Variants in WHAMM observed in about 807,000 individuals in gnomAD.
WHAMM encodes WASP homolog associated with actin, golgi membranes and microtubules.
Under a neutral mutation model 76.5 loss-of-function variants are expected in WHAMM, and 67 were observed. That is an observed-to-expected ratio of 0.88 (90% CI 0.72 to 1.07). The LOEUF (loss-of-function observed/expected upper bound fraction) is 1.07, where lower values mean the gene tolerates loss of function less well. WHAMM is among the 50% of genes least tolerant of loss of function. WHAMM has a pLI of 0.00. For synonymous variants in WHAMM, 419 were observed against 422.1 expected, an observed-to-expected ratio of 0.99 and a Z score of 0.09; for missense variants, 1,021 against 1,051.1, an observed-to-expected ratio of 0.97 and a Z score of 0.40.
intron 8 of WHAMM, among the ~76,000 whole-genome samples, chr15:82,827,970 CTTAT>C (rs1566997790): frequency 6.6e-6 from 1 of 151,982 alleles, no homozygotes; most frequent in African/African-American, 2.4e-5. Flanking sequence ...TAAATAGGGG[CTTAT>C]TTAAGAATAT....
chr15:82,822,729 C>T (rs1225346290), intron 5 of WHAMM, among the ~76,000 whole-genome samples: 4 of 152,106 alleles, frequency 2.6e-5, no homozygotes, highest in African/African-American at 4.8e-5. Context: ...TGAGCCCCTG[C>T]GCCTGGCCTA....
At chr15:82,826,278 G>C in intron 6 of WHAMM, 132 bp from the exon 7 acceptor site, 2 of 857,294 alleles carry the variant, frequency 2.3e-6, no homozygotes, top group Non-Finnish European at 3.7e-6. Flanking sequence ...CAGTACCATT[G>C]GGCCGCTCCA....
chr15:82,830,842 C>T lies in WHAMM; in HGVS notation c.1885C>T (p.His629Tyr), dbSNP rs2051015877. Residue 629 changes from histidine to tyrosine, a missense_variant, in exon 9 of 10, where the codon CAT becomes TAT. By Grantham distance (83) the His-to-Tyr change is moderately conservative. Transcript: ENST00000286760. ...QVFVPVGDQT[H>Y]SKSSEELSLP... ...TTTTGTTCCAGTTGGTGATCAAACACATTCCAAATCCAGTGAGGAATTGTC... is the reference window on the plus strand; with the variant it reads ...TTTTGTTCCAGTTGGTGATCAAACATATTCCAAATCCAGTGAGGAATTGTC... The T allele has an allele frequency of 5.0e-6, 8 of 1,593,898 alleles. No homozygotes were observed. The highest frequency in any genetic ancestry group is 6.8e-6 in the Non-Finnish European group (8 of 1,169,506).
chr15:82,818,626 T>C (rs2050768859), intron 4 of WHAMM, among the ~76,000 whole-genome samples: 1 of 152,250 alleles, frequency 6.6e-6, no homozygotes, highest in African/African-American at 2.4e-5. Context: ...AAAGAGATAC[T>C]TCACTGCATA....
intron 5 of WHAMM, among the ~76,000 whole-genome samples, chr15:82,822,224 G>T (rs1490693031): frequency 6.6e-6 from 1 of 152,136 alleles, no homozygotes; most frequent in Admixed American, 6.5e-5. Context: ...ATTGCTGGTA[G>T]AATATAAGTT....
Position 82,835,100 on chromosome 15 carries a change from A to G in WHAMM, c.*1564A>G, listed in dbSNP as rs1411603556. The G allele has an allele frequency of 6.6e-6, 1 of 151,164 alleles. No individual in the cohort carries two copies. Among genetic ancestry groups the G allele is most frequent in the Non-Finnish European group, 1.5e-5 (1 of 67,972 alleles). 9.4% of individuals were successfully genotyped at this position (151,164 alleles called of 1,614,324 possible). A position where few individuals can be genotyped will look rare whatever the true frequency, so the allele number is the denominator to read the frequency against. ...GTTTACAAAGAAAGTCCTGATTGAT[A>G]TAGAACAGAAATCTTCCTACTTCAG... On this transcript the variant is annotated 3_prime_UTR_variant, in exon 10 of 10. Transcript: ENST00000286760.
rs943441590 is a variant in WHAMM, at chr15:82,835,790, C to G, written c.*2254C>G. ...GGGCATCAGGTCCAGATCCCAGAGA[C>G]AGGTCCAGTGGCTGTGGCCCAGGCC... On this transcript the variant is annotated 3_prime_UTR_variant, in exon 10 of 10. Transcript: ENST00000286760. The G allele has an allele frequency of 1.3e-5, 2 of 152,286 alleles. No homozygotes were observed. Among genetic ancestry groups the G allele is most frequent in the Non-Finnish European group, 2.9e-5 (2 of 68,086 alleles). The allele number at this position is 152,286 out of a possible 1,614,324, so 9.4% of individuals were successfully genotyped here. A position where few individuals can be genotyped will look rare whatever the true frequency, so the allele number is the denominator to read the frequency against.
Position 82,819,428 on chromosome 15 carries a change from T to C in WHAMM, c.1210T>C (p.Leu404=), listed in dbSNP as rs1266377307. 5 of 1,263,688 alleles carry C rather than the reference T, an allele frequency of 4.0e-6. No individual in the cohort carries two copies. The African/African-American group carries it at 7.9e-5, about 20-fold the overall frequency. 78.3% of individuals were successfully genotyped at this position (1,263,688 alleles called of 1,614,324 possible). The change falls in exon 5 of 10, where the codon TTA becomes CTA. Residue 404 remains leucine (L), a synonymous_variant. Coordinates refer to ENST00000286760, the MANE Select transcript of WHAMM (RefSeq NM_001080435.3). ...ACTATATGAAGTTAAATTTGAGATA[T>C]TAAAAAACGAAGAAATACTGCTTAC... is the stretch of plus-strand genomic sequence containing the variant. ...LELYEVKFEI[L]KNEEILLTTQ... is the part of the protein sequence containing the mutation.
Position 82,830,981 on chromosome 15 carries a change from G to C in WHAMM, c.2024G>C (p.Gly675Ala), listed in dbSNP as rs551108747. 3.2e-5 allele frequency: 52 copies of C among 1,609,212 alleles called. No individual in the cohort carries two copies. In the South Asian group the frequency reaches 5.6e-4, roughly 17 times the overall value. Residue 675 changes from glycine to alanine, a missense_variant, in exon 9 of 10, where the codon GGC becomes GCC. Physicochemically the swap from Gly to Ala is moderately conservative, Grantham distance 60. Transcript: ENST00000286760. ...SSQAATHQNL[G>A]FRAPVKDDQP... ...CAAGCTGCAACTCATCAGAACTTAG[G>C]CTTCCGGGCTCCAGTGAAAGATGAC... is the stretch of plus-strand genomic sequence containing the variant.
Position 82,834,119 on chromosome 15 carries a change from C to T in WHAMM, c.*583C>T, listed in dbSNP as rs918425343. 6.6e-6 allele frequency: 1 copy of T among 152,450 alleles called. No homozygotes were observed. Among genetic ancestry groups the T allele is most frequent in the African/African-American group, 2.4e-5 (1 of 41,290 alleles). 9.4% of individuals were successfully genotyped at this position (152,450 alleles called of 1,614,324 possible). The stretch of plus-strand genomic sequence containing the variant: ...GTGGCACGATCTTGGCTTACTGCAA[C>T]CTCCACCTCCCAGGTTCAAGCAATT... On this transcript the variant is annotated 3_prime_UTR_variant, in exon 10 of 10. Transcript: ENST00000286760.
chr15:82,809,872 C>A lies in WHAMM; in HGVS notation c.146C>A (p.Thr49Asn). The part of the protein sequence containing the change: ...GKFAVTCHDR[T>N]AQQRRLREGA... ...TTCGCTGTGACTTGTCACGACCGTA[C>A]CGCGCAGCAGCGGCGGCTGCGCGAG... Residue 49 changes from threonine to asparagine, a missense_variant, in exon 1 of 10, where the codon ACC (threonine) becomes AAC (asparagine). Thr to Asn is a moderately conservative substitution (Grantham distance 65, BLOSUM62 0). This residue lies in a region of WHAMM where 501 missense variants were observed against 524.9 expected (regional missense o/e 0.95). Coordinates refer to ENST00000286760, the MANE Select transcript of WHAMM (RefSeq NM_001080435.3). 1 of 1,581,538 alleles carries A rather than the reference C, an allele frequency of 6.3e-7. No homozygotes were observed. The highest frequency in any genetic ancestry group is 8.6e-7 in the Non-Finnish European group (1 of 1,163,388).
At chr15:82,817,416 T>A (rs771268638) in intron 3 of WHAMM, among the ~76,000 whole-genome samples, 22 of 152,204 alleles carry the variant, frequency 1.4e-4, no homozygotes, top group Non-Finnish European at 3.1e-4. Flanking sequence ...TCTTAAATAA[T>A]TGTTGATAAA....
In WHAMM at chr15:82,823,289, T is replaced by G. The variant is rs1460613338; in HGVS notation, c.1458+2T>G. 1 of 1,489,966 alleles carries G rather than the reference T, an allele frequency of 6.7e-7. No homozygotes were observed. Among genetic ancestry groups the G allele is most frequent in the East Asian group, 2.4e-5 (1 of 41,928 alleles). 92.3% of individuals were successfully genotyped at this position (1,489,966 alleles called of 1,614,324 possible). A position where few individuals can be genotyped will look rare whatever the true frequency, so the allele number is the denominator to read the frequency against. On this transcript the variant is annotated splice_donor_variant, in intron 6 of 9. Coordinates refer to ENST00000286760, the MANE Select transcript of WHAMM (RefSeq NM_001080435.3). LOFTEE classifies it high-confidence loss of function. ...AGAGCCTCTCTCCGGAGTAGAAAGGTAGGTACGCTCAGAGCGGCTTTCTTT... is the reference window on the plus strand; with the variant it reads ...AGAGCCTCTCTCCGGAGTAGAAAGGGAGGTACGCTCAGAGCGGCTTTCTTT...
At chr15:82,819,594 A>G (rs1312722890) in intron 5 of WHAMM, 106 bp downstream of exon 5, 7 of 596,634 alleles carry the variant, frequency 1.2e-5, no homozygotes, top group South Asian at 5.4e-5. Context: ...AAAATTTCCT[A>G]AAGTTTTCCT....
intron 5 of WHAMM, among the ~76,000 whole-genome samples, chr15:82,822,492 C>T (rs2050844777): frequency 6.6e-6 from 1 of 152,178 alleles, no homozygotes; most frequent in Non-Finnish European, 1.5e-5. Flanking sequence ...GGCTGGAGTG[C>T]AGTGGCACGA....
At chr15:82,824,182 G>C (rs2050890331) in intron 6 of WHAMM, among the ~76,000 whole-genome samples, 1 of 42,262 alleles carries the variant, frequency 2.4e-5, no homozygotes, top group Non-Finnish European at 5.8e-5. Context: ...TTTTGAAACA[G>C]AGTCTCGCTC....
At chr15:82,819,287 A>T in intron 4 of WHAMM, 36 bp from the exon 5 acceptor site, 1 of 878,956 alleles carries the variant, frequency 1.1e-6, no homozygotes, top group Non-Finnish European at 1.6e-6. Context: ...ATACTAATTT[A>T]TTTTAACTTA....
chr15:82,825,066 A>C (rs563208079), intron 6 of WHAMM, among the ~76,000 whole-genome samples: 2 of 152,320 alleles, frequency 1.3e-5, no homozygotes, highest in Non-Finnish European at 1.5e-5. Context: ...TTGAGGCTTC[A>C]GTGAGCTATG....
Position 82,830,620 on chromosome 15 carries a change from C to T in WHAMM, c.1663C>T (p.Arg555Ter), listed in dbSNP as rs770408193. ...TCAGAAACGCCTAGCTCAATCTGTC[C>T]GAAACACCTCTGGCTCAGAACCTGT... is the stretch of plus-strand genomic sequence containing the variant. Reference protein sequence around the residue: ...FKDKRLAQSVRNTSGSEPVAP... With the variant: ...FKDKRLAQSV Residue 555 changes from arginine (R) to a stop codon, truncating the protein, a stop_gained, in exon 9 of 10, where the codon CGA becomes TGA. Transcript: ENST00000286760. LOFTEE classifies it high-confidence loss of function. 8 of 1,613,230 alleles carry T rather than the reference C, an allele frequency of 5.0e-6. No homozygotes were observed. The Admixed American group carries it at 8.3e-5, about 17-fold the overall frequency.
Sources: gnomAD v4.1 joint callset for allele counts (sites outside exome capture counted in the v4.1 genomes callset) on GRCh38, gnomAD v4.1.1 for gene constraint, gnomAD v4.1.1 regional missense constraint, MANE v1.5 for transcripts, NCBI Gene and HGNC (gene_info 2026-07-23, HGNC 2026-07-21) for gene names.